LDHC: variants seen among roughly 807,000 people sequenced by gnomAD.
The protein encoded by LDHC is lactate dehydrogenase C.
In LDHC, 20 loss-of-function variants were observed where a neutral mutation model predicts 30.2. The ratio of observed to expected loss-of-function variants is 0.66; its 90% CI spans 0.47 to 0.96. The LOEUF is 0.96. Ranked by LOEUF, LDHC falls within the 40% of genes least tolerant of loss-of-function variation. LDHC has a pLI of 0.00. For synonymous variants in LDHC, 139 were observed against 132.7 expected, an observed-to-expected ratio of 1.05 and a Z score of -0.32; for missense variants, 362 against 394.9, an observed-to-expected ratio of 0.92 and a Z score of 0.71.
At chr11:18,444,832 T>C (rs1848528879) in intron 6 of LDHC, among the ~76,000 whole-genome samples, 1 of 151,700 alleles carries the variant, frequency 6.6e-6, no homozygotes, top group Non-Finnish European at 1.5e-5. Context: ...AAGTTGACTG[T>C]CAATCCAAAC....
At chr11:18,444,603 G>GGTATAT (rs1565057772) in intron 6 of LDHC, among the ~76,000 whole-genome samples, 14 of 75,592 alleles carry the variant, frequency 1.9e-4, no homozygotes, top group Admixed American at 1.7e-4. Context: ...GTGTTCAGGT[G>GGTATAT]GTATATATAT....
chr11:18,413,297 G>A (rs1866935241), intron 2 of LDHC, among the ~76,000 whole-genome samples: 1 of 151,900 alleles, frequency 6.6e-6, no homozygotes, highest in South Asian at 2.1e-4. Flanking sequence ...TGGCCAGGCT[G>A]GTTTCGAACT....
rs938526207 is a variant in LDHC, at chr11:18,440,947, T to TA, written c.710+2305dup. Among the ~76,000 whole-genome samples, 753 of 150,022 alleles carry TA rather than the reference T, an allele frequency of 5.0e-3. 5 individuals carry two copies. The highest frequency in any genetic ancestry group is 0.018 in the African/African-American group (718 of 40,900). On this transcript the variant is annotated intron_variant, in intron 6 of 7. Transcript: ENST00000541669. ...GAGAAAAATCCTGTCTCTAAAAAAA[T>TA]AAATAAATAAAATAAAATAAATTAA...
chr11:18,446,910 AGTTT>A (rs66517074), intron 7 of LDHC, among the ~76,000 whole-genome samples: 9,943 of 152,172 alleles, frequency 0.065, 380 homozygotes, highest in Middle Eastern at 0.082. Context: ...CAGGGCAAGA[AGTTT>A]GTTTGTTTGT....
chr11:18,424,122 C>T (rs554627934), intron 3 of LDHC, among the ~76,000 whole-genome samples: 7 of 152,264 alleles, frequency 4.6e-5, no homozygotes, highest in African/African-American at 1.4e-4. Flanking sequence ...CGGTGGCTCA[C>T]GCCTGTAATC....
chr11:18,414,188 C>T lies in LDHC; in HGVS notation c.127-996C>T, dbSNP rs568503258. Reference sequence around the variant, plus strand: ...CAAAGAAAAGTGAGATGTAATCTTCCGTCTTCCATTTTCAAACTTCATAGA... The same window carrying T: ...CAAAGAAAAGTGAGATGTAATCTTCTGTCTTCCATTTTCAAACTTCATAGA... On this transcript the variant is annotated intron_variant, in intron 2 of 7. Transcript: ENST00000541669. Among the ~76,000 whole-genome samples the T allele has an allele frequency of 1.2e-4, 18 of 152,248 alleles. No individual in the cohort carries two copies. The East Asian group carries it at 1.7e-3, about 15-fold the overall frequency.
At chr11:18,446,781 A>G (rs1848561286) in intron 7 of LDHC, among the ~76,000 whole-genome samples, 1 of 152,224 alleles carries the variant, frequency 6.6e-6, no homozygotes, top group African/African-American at 2.4e-5. Flanking sequence ...GATGGGTCAC[A>G]GTAGCTGCAG....
chr11:18,431,892 A>G (rs1848273407), intron 4 of LDHC, among the ~76,000 whole-genome samples: 1 of 152,082 alleles, frequency 6.6e-6, no homozygotes, highest in Non-Finnish European at 1.5e-5. Context: ...TAGTCTATCA[A>G]TTTTATTTAG....
At chr11:18,423,076 G>C (rs897524224) in intron 3 of LDHC, among the ~76,000 whole-genome samples, 1 of 152,052 alleles carries the variant, frequency 6.6e-6, no homozygotes, top group Non-Finnish European at 1.5e-5. Context: ...TGTAATCCCA[G>C]CACTTTGCGA....
At chr11:18,450,903 T>C (rs1462799335) in intron 7 of LDHC, 60 bp from the exon 8 acceptor site, 1 of 1,303,298 alleles carries the variant, frequency 7.7e-7, no homozygotes, top group South Asian at 1.3e-5. Context: ...TTTGATGCCC[T>C]TTTGCATAGC....
At chr11:18,441,068 A>G (rs1048603030) in intron 6 of LDHC, among the ~76,000 whole-genome samples, 13 of 152,014 alleles carry the variant, frequency 8.6e-5, no homozygotes, top group African/African-American at 2.7e-4. Flanking sequence ...CAAGATTGCA[A>G]TGAACAACGA....
intron 3 of LDHC, among the ~76,000 whole-genome samples, chr11:18,417,286 G>T (rs768594201): frequency 2.0e-5 from 3 of 152,226 alleles, no homozygotes. Flanking sequence ...GGAACAACAG[G>T]TGGTGTCTTT....
At position 18,451,070 on chromosome 11, in the gene LDHC, C is replaced by T; in HGVS notation, c.942C>T (p.Ala314=). The T allele has an allele frequency of 2.5e-6, 4 of 1,584,500 alleles. No homozygotes were observed. The highest frequency in any genetic ancestry group is 3.4e-6 in the Non-Finnish European group (4 of 1,169,082). The change falls in exon 8 of 8, where the codon GCC becomes GCT. Residue 314 remains alanine (A), a synonymous_variant. Coordinates refer to ENST00000541669, the MANE Select transcript of LDHC (RefSeq NM_017448.5). The part of the protein sequence containing the change: ...VKINLNSEEE[A]LFKKSAETLW... ...TTAACTTGAATTCTGAGGAGGAGGCCCTTTTCAAGAAGAGTGCAGAAACAC... is the reference window on the plus strand; with the variant it reads ...TTAACTTGAATTCTGAGGAGGAGGCTCTTTTCAAGAAGAGTGCAGAAACAC...
chr11:18,446,076 A>C, intron 6 of LDHC, 134 bp from the exon 7 acceptor site: 1 of 707,470 alleles, frequency 1.4e-6, no homozygotes, highest in Non-Finnish European at 2.3e-6. Context: ...TAAATTCTGT[A>C]AGAAATCTAT....
intron 3 of LDHC, among the ~76,000 whole-genome samples, chr11:18,419,956 G>A (rs1867087941): frequency 6.6e-6 from 1 of 152,068 alleles, no homozygotes. Flanking sequence ...GCTGGGTGTG[G>A]TGGTGCATGC....
intron 3 of LDHC, among the ~76,000 whole-genome samples, chr11:18,425,945 AAAAAAAG>A (rs967348011): frequency 2.8e-4 from 43 of 152,084 alleles, no homozygotes; most frequent in South Asian, 8.3e-4. Context: ...TGTCTCAGAA[AAAAAAAG>A]AAAAAAGAAA....
intron 4 of LDHC, 131 bp from the exon 5 acceptor site, chr11:18,434,609 A>G (rs1848324093): frequency 3.3e-6 from 2 of 602,546 alleles, no homozygotes; most frequent in Non-Finnish European, 5.9e-6. Flanking sequence ...CACCGCACCC[A>G]GCCAGTGATT....
intron 6 of LDHC, 108 bp from the exon 7 acceptor site, chr11:18,446,102 C>T: frequency 1.1e-6 from 1 of 883,614 alleles, no homozygotes; most frequent in Non-Finnish European, 1.8e-6. Context: ...AATTCTAATA[C>T]AATTGCATTG....
chr11:18,446,830 C>G (rs776554718), intron 7 of LDHC, among the ~76,000 whole-genome samples: 49 of 152,234 alleles, frequency 3.2e-4, no homozygotes, highest in Middle Eastern at 3.4e-3. Context: ...GAACCACTTG[C>G]GTAGACTGAG....
Sources: allele counts gnomAD v4.1 joint callset (sites outside exome capture counted in the v4.1 genomes callset), GRCh38; gene constraint gnomAD v4.1.1; transcripts MANE v1.5; gene names NCBI Gene and HGNC (gene_info 2026-07-23, HGNC 2026-07-21).